Variants in ADGRB3 observed in about 807,000 individuals in gnomAD.
The protein encoded by ADGRB3 is adhesion G protein-coupled receptor B3.
In ADGRB3, 37 loss-of-function variants were observed where a neutral mutation model predicts 193.4. The ratio of observed to expected loss-of-function variants is 0.19; its 90% CI spans 0.15 to 0.25. The LOEUF is 0.25. ADGRB3 is among the 10% of genes least tolerant of loss of function. The pLI is 1.00. For missense variants in ADGRB3, 1,637 were observed against 1,852.9 expected (o/e 0.88, Z 2.14); for synonymous variants, 690 against 644.2 (o/e 1.07, Z -1.08).
intron 11 of ADGRB3, among the ~76,000 whole-genome samples, chr6:69,006,256 A>G (rs1204939515): frequency 2.0e-5 from 3 of 152,118 alleles, no homozygotes; most frequent in Non-Finnish European, 2.9e-5. Flanking sequence ...ACTTTAATCT[A>G]TAATATGGAT....
intron 17 of ADGRB3, among the ~76,000 whole-genome samples, chr6:69,118,851 C>G (rs1773605984): frequency 6.6e-6 from 1 of 151,642 alleles, no homozygotes; most frequent in Non-Finnish European, 1.5e-5. Context: ...AATAAATAAC[C>G]AAATTTATAT....
At chr6:68,666,304 A>C (rs1196954468) in intron 3 of ADGRB3, among the ~76,000 whole-genome samples, 1 of 151,926 alleles carries the variant, frequency 6.6e-6, no homozygotes, top group Non-Finnish European at 1.5e-5. Flanking sequence ...CATTTATGCT[A>C]GTTGTGTGAC....
At chr6:68,883,793 T>G (rs1402981278) in intron 3 of ADGRB3, among the ~76,000 whole-genome samples, 1 of 152,090 alleles carries the variant, frequency 6.6e-6, no homozygotes, top group African/African-American at 2.4e-5. Context: ...ACCGCCAGGG[T>G]CTGCGGCTTC....
At chr6:68,851,876 A>T (rs1384492161) in intron 3 of ADGRB3, among the ~76,000 whole-genome samples, 1 of 151,888 alleles carries the variant, frequency 6.6e-6, no homozygotes, top group Admixed American at 6.6e-5. Context: ...TACACTAAAG[A>T]TATAGATTTC....
chr6:68,775,391 T>A (rs576205082), intron 3 of ADGRB3, among the ~76,000 whole-genome samples: 25 of 152,118 alleles, frequency 1.6e-4, no homozygotes, highest in African/African-American at 5.3e-4. Context: ...TAGACGTGGT[T>A]ATAGAGAGTG....
At chr6:68,955,273 T>A (rs1768040494) in intron 6 of ADGRB3, among the ~76,000 whole-genome samples, 1 of 152,236 alleles carries the variant, frequency 6.6e-6, no homozygotes, top group African/African-American at 2.4e-5. Context: ...AAGTCTTATC[T>A]CACAATGTCC....
chr6:68,802,260 C>A (rs575021015), intron 3 of ADGRB3, among the ~76,000 whole-genome samples: 2 of 151,616 alleles, frequency 1.3e-5, no homozygotes, highest in African/African-American at 4.8e-5. Flanking sequence ...CAGTCTAATT[C>A]TTTCCATTGA....
At chr6:68,794,451 C>A (rs1178633464) in intron 3 of ADGRB3, among the ~76,000 whole-genome samples, 1 of 151,986 alleles carries the variant, frequency 6.6e-6, no homozygotes, top group Non-Finnish European at 1.5e-5. Context: ...TGCTCTTCTG[C>A]GATCTGAGAT....
intron 17 of ADGRB3, among the ~76,000 whole-genome samples, chr6:69,210,282 T>G (rs1343645250): frequency 6.7e-5 from 10 of 149,400 alleles, no homozygotes; most frequent in Admixed American, 5.3e-4. Flanking sequence ...GAACTTGGAG[T>G]CTGATGTTCA....
At chr6:68,675,457 G>A (rs776002430) in intron 3 of ADGRB3, among the ~76,000 whole-genome samples, 22 of 152,030 alleles carry the variant, frequency 1.4e-4, no homozygotes, top group Admixed American at 3.3e-4. Context: ...CAAAAAAATG[G>A]TATTTAGAAC....
chr6:68,777,532 G>A (rs2127359540), intron 3 of ADGRB3, among the ~76,000 whole-genome samples: 1 of 152,036 alleles, frequency 6.6e-6, no homozygotes, highest in Non-Finnish European at 1.5e-5. Flanking sequence ...AGGCACAGGT[G>A]TAAGGGAAAA....
At chr6:69,049,632 G>T (rs973029502) in intron 15 of ADGRB3, among the ~76,000 whole-genome samples, 1 of 152,046 alleles carries the variant, frequency 6.6e-6, no homozygotes, top group Non-Finnish European at 1.5e-5. Context: ...AAAATCACAA[G>T]TGTCTATAAT....
chr6:68,888,133 A>T (rs1765964448), intron 3 of ADGRB3, among the ~76,000 whole-genome samples: 2 of 152,144 alleles, frequency 1.3e-5, no homozygotes, highest in South Asian at 2.1e-4. Flanking sequence ...GAGATTGACA[A>T]TGGGAGATCA....
At chr6:68,968,797 A>G (rs145117628) in intron 8 of ADGRB3, among the ~76,000 whole-genome samples, 1 of 152,134 alleles carries the variant, frequency 6.6e-6, no homozygotes, top group African/African-American at 2.4e-5. Context: ...TTAGTATTCT[A>G]TAATAGTTTT....
At chr6:69,012,547 T>C (rs895035843) in intron 11 of ADGRB3, among the ~76,000 whole-genome samples, 5 of 151,860 alleles carry the variant, frequency 3.3e-5, no homozygotes, top group Admixed American at 6.6e-5. Flanking sequence ...AAATTTTAAG[T>C]GGAAAAAAAT....
intron 20 of ADGRB3, among the ~76,000 whole-genome samples, chr6:69,266,981 T>C (rs1168512221): frequency 6.6e-6 from 1 of 152,086 alleles, no homozygotes. Flanking sequence ...GTATTTTTTG[T>C]ATAAGGTCGT....
At chr6:69,247,786 A>G (rs1194429397) in intron 20 of ADGRB3, among the ~76,000 whole-genome samples, 1 of 152,178 alleles carries the variant, frequency 6.6e-6, no homozygotes, top group Non-Finnish European at 1.5e-5. Flanking sequence ...TGTTGAATGA[A>G]TGAATGAACT....
At chr6:69,186,829 T>G (rs1765080924) in intron 17 of ADGRB3, among the ~76,000 whole-genome samples, 1 of 151,968 alleles carries the variant, frequency 6.6e-6, no homozygotes, top group Non-Finnish European at 1.5e-5. Context: ...TGCGCATACA[T>G]TTTTTTAAAT....
chr6:68,837,440 C>A (rs1163919840), intron 3 of ADGRB3, among the ~76,000 whole-genome samples: 1 of 152,090 alleles, frequency 6.6e-6, no homozygotes, highest in Non-Finnish European at 1.5e-5. Flanking sequence ...ATTTGTGCAA[C>A]TGTTCAAATA....
Sources: allele counts gnomAD v4.1 joint callset (sites outside exome capture counted in the v4.1 genomes callset), GRCh38; gene constraint gnomAD v4.1.1; transcripts MANE v1.5; gene names NCBI Gene and HGNC (gene_info 2026-07-23, HGNC 2026-07-21).